The following GRM7 variants were observed in gnomAD, a reference collection of about 807,000 sequenced individuals.
GRM7 encodes the protein metabotropic glutamate receptor 7.
A neutral mutation model predicts 84.5 loss-of-function variants in GRM7; 35 were observed. That is an observed-to-expected ratio of 0.41 (90% CI 0.32 to 0.55). The LOEUF (loss-of-function observed/expected upper bound fraction) is 0.55. Ranked by LOEUF, GRM7 falls within the 20% of genes least tolerant of loss-of-function variation. GRM7 has a pLI of 0.19. For missense variants in GRM7, 1,003 were observed against 1,194.6 expected (o/e 0.84, Z 2.36); for synonymous variants, 487 against 455.1 (o/e 1.07, Z -0.89).
At chr3:7,692,454 A>C (rs73809657) in intron 9 of GRM7, among the ~76,000 whole-genome samples, 1,658 of 152,268 alleles carry the variant, frequency 0.011, 40 homozygotes, top group African/African-American at 0.038. Context: ...CTTCTCAGAG[A>C]TCTTCCTTGA....
At chr3:7,650,625 G>C (rs57351834) in intron 8 of GRM7, among the ~76,000 whole-genome samples, 72 of 152,332 alleles carry the variant, frequency 4.7e-4, no homozygotes, top group African/African-American at 1.6e-3. Flanking sequence ...ATAGCACTAT[G>C]AAGTGTGGAA....
chr3:7,709,908 C>T lies in GRM7; in HGVS notation c.2698+29613C>T, dbSNP rs17047844. Among the ~76,000 whole-genome samples, 922 of 152,200 alleles carry T rather than the reference C, an allele frequency of 6.1e-3. 11 individuals carry two copies. The highest frequency in any genetic ancestry group is 0.02 in the Middle Eastern group (6 of 294). ...CCAGGTCCACCTTTCATTCCCCATACGTCAGCCTTGGAATGCACATTAGGC... is the reference window on the plus strand; with the variant it reads ...CCAGGTCCACCTTTCATTCCCCATATGTCAGCCTTGGAATGCACATTAGGC... On this transcript the variant is annotated intron_variant, in intron 9 of 9. Coordinates refer to ENST00000357716, the MANE Select transcript of GRM7 (RefSeq NM_000844.4).
At chr3:7,183,037 C>T (rs767848588) in intron 2 of GRM7, among the ~76,000 whole-genome samples, 53 of 151,316 alleles carry the variant, frequency 3.5e-4, no homozygotes, top group Admixed American at 4.0e-4. Context: ...CTTTTAAACA[C>T]GCTGGGCATC....
intron 1 of GRM7, among the ~76,000 whole-genome samples, chr3:7,074,063 G>T (rs1210095594): frequency 6.6e-6 from 1 of 152,100 alleles, no homozygotes; most frequent in Non-Finnish European, 1.5e-5. Flanking sequence ...TAAGAAAAGA[G>T]ATATGAACAA....
intron 1 of GRM7, chr3:6,884,194 C>G (rs940553720): frequency 7.2e-5 from 11 of 152,574 alleles, no homozygotes; most frequent in Non-Finnish European, 1.5e-4. Flanking sequence ...AGTACAGTAG[C>G]TACCTGTTCT....
At chr3:7,413,316 A>T (rs1559304674) in intron 4 of GRM7, among the ~76,000 whole-genome samples, 1 of 152,330 alleles carries the variant, frequency 6.6e-6, no homozygotes, top group South Asian at 2.1e-4. Context: ...GGCTACAACA[A>T]GATCTCTCTT....
chr3:7,119,207 G>A (rs111416520), intron 1 of GRM7, among the ~76,000 whole-genome samples: 31 of 151,846 alleles, frequency 2.0e-4, no homozygotes, highest in Middle Eastern at 3.4e-3. Flanking sequence ...TTTATTAAAC[G>A]TTCCTCAGTA....
At chr3:7,718,402 T>G (rs572785491) in intron 9 of GRM7, among the ~76,000 whole-genome samples, 16 of 152,256 alleles carry the variant, frequency 1.1e-4, no homozygotes, top group Admixed American at 9.2e-4. Context: ...ACTGACTGTT[T>G]ATAAAGGGTT....
intron 4 of GRM7, among the ~76,000 whole-genome samples, chr3:7,323,494 G>T (rs921819827): frequency 1.3e-5 from 2 of 152,082 alleles, no homozygotes; most frequent in Non-Finnish European, 2.9e-5. Flanking sequence ...GCTGCTTATC[G>T]TTCAACATGT....
chr3:7,567,419 G>T (rs551332464), intron 7 of GRM7, among the ~76,000 whole-genome samples: 93 of 152,184 alleles, frequency 6.1e-4, no homozygotes, highest in South Asian at 1.2e-3. Context: ...GTATTGCTGG[G>T]CACCAAGTGA....
intron 4 of GRM7, among the ~76,000 whole-genome samples, chr3:7,342,147 C>T (rs1375541438): frequency 6.6e-6 from 1 of 152,094 alleles, no homozygotes; most frequent in African/African-American, 2.4e-5. Flanking sequence ...TCTTGAGGGA[C>T]ACTGGAATTA....
chr3:7,571,657 T>A (rs1159463886), intron 7 of GRM7, among the ~76,000 whole-genome samples: 1 of 152,188 alleles, frequency 6.6e-6, no homozygotes, highest in East Asian at 1.9e-4. Flanking sequence ...TTCTGAGCCC[T>A]CCAAACTGTT....
At chr3:6,976,358 A>T (rs1206469284) in intron 1 of GRM7, among the ~76,000 whole-genome samples, 1 of 152,188 alleles carries the variant, frequency 6.6e-6, no homozygotes, top group Non-Finnish European at 1.5e-5. Context: ...ATAAGCATAG[A>T]CTTCTCACAG....
chr3:7,682,449 A>G (rs566450875), intron 9 of GRM7: 4 of 151,856 alleles, frequency 2.6e-5, no homozygotes, highest in Non-Finnish European at 4.4e-5. Flanking sequence ...TATATTTATA[A>G]TTAGTGGCTT....
chr3:7,295,047 G>A (rs1388095297), intron 2 of GRM7, among the ~76,000 whole-genome samples: 1 of 152,074 alleles, frequency 6.6e-6, no homozygotes, highest in African/African-American at 2.4e-5. Context: ...TTTATAGATT[G>A]TACTTTGGAT....
At chr3:7,172,112 A>T (rs2125089000) in intron 2 of GRM7, among the ~76,000 whole-genome samples, 1 of 152,298 alleles carries the variant, frequency 6.6e-6, no homozygotes, top group East Asian at 1.9e-4. Flanking sequence ...CGGGATTTTC[A>T]AAATAATACA....
intron 1 of GRM7, among the ~76,000 whole-genome samples, chr3:6,900,969 G>A (rs1224898355): frequency 1.3e-5 from 2 of 152,164 alleles, no homozygotes; most frequent in Admixed American, 1.3e-4. Context: ...TGTGATGCCT[G>A]CTCTACTCAG....
At chr3:7,483,806 A>G (rs1056183131) in intron 7 of GRM7, among the ~76,000 whole-genome samples, 2 of 151,900 alleles carry the variant, frequency 1.3e-5, no homozygotes, top group Non-Finnish European at 2.9e-5. Flanking sequence ...TGTTATATAT[A>G]TTGTTATATA....
intron 1 of GRM7, among the ~76,000 whole-genome samples, chr3:7,016,037 A>G (rs1330137439): frequency 6.6e-6 from 1 of 152,242 alleles, no homozygotes; most frequent in African/African-American, 2.4e-5. Context: ...TACAACAAAG[A>G]CTACAGTAAA....
Sources: gnomAD v4.1 joint callset for allele counts (sites outside exome capture counted in the v4.1 genomes callset) on GRCh38, gnomAD v4.1.1 for gene constraint, MANE v1.5 for transcripts, NCBI Gene and HGNC (gene_info 2026-07-23, HGNC 2026-07-21) for gene names.